The following PIP5K1B variants were observed in gnomAD, a reference collection of about 807,000 sequenced individuals.
PIP5K1B encodes phosphatidylinositol 4-phosphate 5-kinase type-1 beta.
PIP5K1B carries 42 observed loss-of-function variants against 67.0 expected under a neutral mutation model. The ratio of observed to expected loss-of-function variants is 0.63; its 90% CI spans 0.49 to 0.81. The LOEUF is 0.81. PIP5K1B is among the 30% of genes least tolerant of loss of function. PIP5K1B has a pLI of 0.00. For synonymous variants in PIP5K1B, 214 were observed against 231.4 expected (o/e 0.92, Z 0.68); for missense variants, 459 against 646.3 (o/e 0.71, Z 3.14).
At chr9:68,815,914 T>C (rs1833418218) in intron 2 of PIP5K1B, among the ~76,000 whole-genome samples, 1 of 152,240 alleles carries the variant, frequency 6.6e-6, no homozygotes, top group African/African-American at 2.4e-5. Context: ...CAGGAGTGAA[T>C]TTAGTAAGAC....
At chr9:68,999,989 G>A (rs1218080205) in intron 15 of PIP5K1B, among the ~76,000 whole-genome samples, 1 of 152,138 alleles carries the variant, frequency 6.6e-6, no homozygotes, top group Non-Finnish European at 1.5e-5. Context: ...GAGGTCAAAG[G>A]CAGCTTACTC....
At chr9:68,984,534 A>C (rs1564292813) in intron 14 of PIP5K1B, among the ~76,000 whole-genome samples, 1 of 152,346 alleles carries the variant, frequency 6.6e-6, no homozygotes, top group East Asian at 1.9e-4. Context: ...TTTACTGTAT[A>C]AATGCCTGAT....
At chr9:68,982,744 A>G (rs1418140975) in intron 14 of PIP5K1B, among the ~76,000 whole-genome samples, 1 of 139,122 alleles carries the variant, frequency 7.2e-6, no homozygotes, top group Non-Finnish European at 1.5e-5. Context: ...CCTGGGTGAC[A>G]GCGAGACTCC....
At chr9:68,808,430 A>G (rs983755856) in intron 2 of PIP5K1B, among the ~76,000 whole-genome samples, 4 of 151,400 alleles carry the variant, frequency 2.6e-5, no homozygotes, top group Non-Finnish European at 4.4e-5. Context: ...CACTATCACC[A>G]GATACACACA....
chr9:68,884,142 A>G (rs570825102), intron 6 of PIP5K1B, among the ~76,000 whole-genome samples: 26 of 152,314 alleles, frequency 1.7e-4, no homozygotes, highest in Admixed American at 4.6e-4. Context: ...AAGTAAAAAT[A>G]GATCAAAAGG....
In PIP5K1B at chr9:68,940,634, T is replaced by C; in HGVS notation, c.1358-12T>C. On this transcript the variant is annotated splice_polypyrimidine_tract_variant and intron_variant, in intron 13 of 15. Coordinates refer to ENST00000265382, the MANE Select transcript of PIP5K1B (RefSeq NM_003558.4). ...TGAGATTCATGAATGTGTGTGTTGC[T>C]TTCGTTCCTAGCCCTGGGATCCCGA... 1 of 1,612,808 alleles carries C rather than the reference T, an allele frequency of 6.2e-7. No homozygotes were observed. Among genetic ancestry groups the C allele is most frequent in the South Asian group, 1.1e-5 (1 of 90,936 alleles).
chr9:68,780,057 C>A, intron 2 of PIP5K1B: 1 of 1,402,654 alleles, frequency 7.1e-7, no homozygotes, highest in Non-Finnish European at 9.3e-7. Flanking sequence ...AGGGGCCAGC[C>A]CGCTGACAGA....
intron 8 of PIP5K1B, among the ~76,000 whole-genome samples, chr9:68,912,854 G>A (rs1224557048): frequency 2.0e-5 from 3 of 152,184 alleles, no homozygotes; most frequent in African/African-American, 7.2e-5. Flanking sequence ...GTAGCCTTTA[G>A]TCATGAAGAG....
chr9:68,911,377 TAAAA>T (rs60001726), intron 8 of PIP5K1B, among the ~76,000 whole-genome samples: 5 of 133,352 alleles, frequency 3.7e-5, no homozygotes, highest in Admixed American at 7.5e-5. Flanking sequence ...CCATCTCAAA[TAAAA>T]AAAAAAAAAA....
intron 15 of PIP5K1B, among the ~76,000 whole-genome samples, chr9:68,995,236 A>G (rs1308591816): frequency 1.5e-5 from 1 of 67,350 alleles, no homozygotes; most frequent in East Asian, 2.4e-4. Flanking sequence ...GGAGAAAGAA[A>G]GAGAGAAAGA....
intron 2 of PIP5K1B, among the ~76,000 whole-genome samples, chr9:68,757,354 A>G (rs151100913): frequency 6.6e-6 from 1 of 152,308 alleles, no homozygotes; most frequent in Non-Finnish European, 1.5e-5. Context: ...CTTAAAAGAA[A>G]GAGGTTGGCA....
chr9:68,805,905 TAG>T, intron 2 of PIP5K1B, among the ~76,000 whole-genome samples: 1 of 152,332 alleles, frequency 6.6e-6, no homozygotes, highest in South Asian at 2.1e-4. Context: ...GGAGTATGGC[TAG>T]ACATTACACA....
chr9:68,912,993 C>T (rs1825924696), intron 8 of PIP5K1B, among the ~76,000 whole-genome samples: 1 of 152,184 alleles, frequency 6.6e-6, no homozygotes, highest in South Asian at 2.1e-4. Flanking sequence ...ATTTCAAGAA[C>T]AGGTAGTTTT....
chr9:68,774,998 T>C (rs1830846485), intron 2 of PIP5K1B, among the ~76,000 whole-genome samples: 1 of 152,244 alleles, frequency 6.6e-6, no homozygotes, highest in Non-Finnish European at 1.5e-5. Flanking sequence ...TTTATATTTG[T>C]GAATCCAAAC....
chr9:68,738,091 G>T (rs1245836547), intron 1 of PIP5K1B, among the ~76,000 whole-genome samples: 1 of 152,186 alleles, frequency 6.6e-6, no homozygotes, highest in African/African-American at 2.4e-5. Context: ...CAGGTATTTA[G>T]GGTTTTCTTG....
At chr9:68,880,620 T>TACAC (rs138562154) in intron 6 of PIP5K1B, among the ~76,000 whole-genome samples, 10 of 84,878 alleles carry the variant, frequency 1.2e-4, no homozygotes, top group Admixed American at 8.4e-4. Flanking sequence ...CACACACGCA[T>TACAC]ACACACACAC....
At chr9:68,855,732 T>C (rs1247375940) in intron 4 of PIP5K1B, among the ~76,000 whole-genome samples, 1 of 152,192 alleles carries the variant, frequency 6.6e-6, no homozygotes. Flanking sequence ...TATGAACCAC[T>C]ACAACTGCCC....
At chr9:68,821,281 AAC>A (rs1423622511) in intron 3 of PIP5K1B, among the ~76,000 whole-genome samples, 1 of 152,216 alleles carries the variant, frequency 6.6e-6, no homozygotes, top group East Asian at 1.9e-4. Flanking sequence ...GGCAGATACT[AAC>A]ACAGAAGAAT....
chr9:68,932,720 A>G (rs1227555059), intron 12 of PIP5K1B, among the ~76,000 whole-genome samples: 1 of 152,188 alleles, frequency 6.6e-6, no homozygotes, highest in Non-Finnish European at 1.5e-5. Context: ...GATGATGATG[A>G]AAATAATTTT....
Sources: allele counts gnomAD v4.1 joint callset (sites outside exome capture counted in the v4.1 genomes callset), GRCh38; gene constraint gnomAD v4.1.1; transcripts MANE v1.5; gene names NCBI Gene and HGNC (gene_info 2026-07-23, HGNC 2026-07-21).